Variants in THRB observed in about 807,000 individuals in gnomAD.
THRB encodes the protein thyroid hormone receptor beta, also known as nuclear receptor subfamily 1 group A member 2.
In THRB, 12 loss-of-function variants were observed where a neutral mutation model predicts 47.8. The ratio of observed to expected loss-of-function variants is 0.25; its 90% confidence interval spans 0.16 to 0.41. THRB has a LOEUF of 0.41. THRB is among the 10% of genes least tolerant of loss of function. The probability of loss-of-function intolerance (pLI) is 1.00; values close to 1 mark genes in which losing one functional copy is unlikely to be tolerated. For synonymous variants in THRB, 218 were observed against 212.2 expected, an observed-to-expected ratio of 1.03 and a Z score of -0.24; for missense variants, 348 against 589.2, an observed-to-expected ratio of 0.59 and a Z score of 4.24.
At chr3:24,197,074 T>C (rs1280217476) in intron 4 of THRB, among the ~76,000 whole-genome samples, 6 of 152,242 alleles carry the variant, frequency 3.9e-5, no homozygotes, top group Non-Finnish European at 8.8e-5. Flanking sequence ...GCACAACATC[T>C]GAAGTAATAT....
intron 2 of THRB, among the ~76,000 whole-genome samples, chr3:24,306,322 C>G (rs1026656424): frequency 6.6e-6 from 1 of 152,190 alleles, no homozygotes. Flanking sequence ...CTTCAGACCA[C>G]CCACAGGGAG....
chr3:24,193,895 A>C (rs1228462788), intron 4 of THRB, among the ~76,000 whole-genome samples: 1 of 152,240 alleles, frequency 6.6e-6, no homozygotes, highest in Non-Finnish European at 1.5e-5. Context: ...CAACTCATGG[A>C]TAAAGAAAAT....
intron 1 of THRB, among the ~76,000 whole-genome samples, chr3:24,357,367 A>AAAAAC (rs2063752290): frequency 4.1e-5 from 6 of 146,692 alleles, no homozygotes; most frequent in Non-Finnish European, 6.0e-5. Context: ...AAAAAAAAAA[A>AAAAAC]AAAAAAACAA....
chr3:24,344,511 C>T (rs2062880418), intron 1 of THRB, among the ~76,000 whole-genome samples: 1 of 151,924 alleles, frequency 6.6e-6, no homozygotes, highest in Non-Finnish European at 1.5e-5. Context: ...GACGTATGAC[C>T]TGTTCAAACA....
At chr3:24,367,382 C>T (rs2064551728) in intron 1 of THRB, among the ~76,000 whole-genome samples, 1 of 152,172 alleles carries the variant, frequency 6.6e-6, no homozygotes, top group South Asian at 2.1e-4. Context: ...GGGTAGCAAA[C>T]CCTGTGGTCT....
intron 7 of THRB, among the ~76,000 whole-genome samples, chr3:24,146,014 A>G (rs1266742660): frequency 6.6e-6 from 1 of 152,108 alleles, no homozygotes; most frequent in Non-Finnish European, 1.5e-5. Context: ...CAGTGTGGGG[A>G]GAAGAGACCC....
chr3:24,323,558 T>A (rs1202466964), intron 2 of THRB, among the ~76,000 whole-genome samples: 1 of 152,224 alleles, frequency 6.6e-6, no homozygotes, highest in African/African-American at 2.4e-5. Flanking sequence ...AGCTCCCTGG[T>A]GGGGCCAATG....
intron 1 of THRB, among the ~76,000 whole-genome samples, chr3:24,367,660 G>C (rs961149365): frequency 1.3e-5 from 2 of 152,084 alleles, no homozygotes; most frequent in Non-Finnish European, 2.9e-5. Context: ...ATGCTTTGTT[G>C]CTACATGCAC....
At chr3:24,475,528 C>CATAT (rs1331849501) in intron 1 of THRB, among the ~76,000 whole-genome samples, 4 of 123,836 alleles carry the variant, frequency 3.2e-5, no homozygotes, top group Non-Finnish European at 6.8e-5. Context: ...TATATGTCAA[C>CATAT]ATATATATAG....
intron 1 of THRB, among the ~76,000 whole-genome samples, chr3:24,375,395 AG>A (rs1235685034): frequency 1.8e-4 from 21 of 118,678 alleles, no homozygotes; most frequent in African/African-American, 5.6e-4. Flanking sequence ...AATATATTAT[AG>A]TTAGACATAT....
intron 1 of THRB, among the ~76,000 whole-genome samples, chr3:24,396,959 T>C (rs1475219525): frequency 2.0e-5 from 3 of 152,132 alleles, no homozygotes; most frequent in Non-Finnish European, 4.4e-5. Context: ...ATTTACCAGT[T>C]CTTTTTTTGC....
At chr3:24,447,994 G>A (rs145803108) in intron 1 of THRB, among the ~76,000 whole-genome samples, 2,617 of 152,092 alleles carry the variant, frequency 0.017, 30 homozygotes, top group Non-Finnish European at 0.024. Context: ...CCTTGATGAC[G>A]AATTCTTTCT....
chr3:24,343,912 T>A (rs1178291298), intron 1 of THRB, among the ~76,000 whole-genome samples: 2 of 144,602 alleles, frequency 1.4e-5, no homozygotes, highest in Non-Finnish European at 3.0e-5. Flanking sequence ...TATATATTTA[T>A]TTATATATTA....
chr3:24,494,320 T>C (rs1407985203), intron 1 of THRB: 2 of 152,276 alleles, frequency 1.3e-5, no homozygotes, highest in Non-Finnish European at 2.9e-5. Context: ...AAGGAACATG[T>C]CAACAGCTGG....
At chr3:24,151,801 G>C (rs886106661) in intron 6 of THRB, among the ~76,000 whole-genome samples, 1 of 152,174 alleles carries the variant, frequency 6.6e-6, no homozygotes, top group African/African-American at 2.4e-5. Flanking sequence ...CTGCAGATAG[G>C]ACTGTACAGC....
At chr3:24,409,909 T>C (rs1408237710) in intron 1 of THRB, among the ~76,000 whole-genome samples, 1 of 151,860 alleles carries the variant, frequency 6.6e-6, no homozygotes, top group Admixed American at 6.6e-5. Context: ...ATCTGTCTGG[T>C]TTACCTATTG....
intron 3 of THRB, among the ~76,000 whole-genome samples, chr3:24,267,997 G>T (rs775540158): frequency 6.6e-6 from 1 of 151,976 alleles, no homozygotes; most frequent in Non-Finnish European, 1.5e-5. Flanking sequence ...AGTCAATTAG[G>T]CACACAAAGA....
At chr3:24,331,949 C>T (rs1251319644) in intron 2 of THRB, among the ~76,000 whole-genome samples, 5 of 152,160 alleles carry the variant, frequency 3.3e-5, no homozygotes, top group African/African-American at 4.8e-5. Context: ...CATTCCTCTC[C>T]GTACTTGAAG....
At chr3:24,261,239 A>G in intron 3 of THRB, among the ~76,000 whole-genome samples, 1 of 121,572 alleles carries the variant, frequency 8.2e-6, no homozygotes, top group Non-Finnish European at 1.7e-5. Flanking sequence ...GCAGTGGCTC[A>G]CGCCTGTAAT....
Sources: allele counts gnomAD v4.1 joint callset (sites outside exome capture counted in the v4.1 genomes callset), GRCh38; gene constraint gnomAD v4.1.1; transcripts MANE v1.5; gene names NCBI Gene and HGNC (gene_info 2026-07-23, HGNC 2026-07-21).